Variants in SPTBN2 observed in about 807,000 individuals in gnomAD.
SPTBN2 encodes the protein spectrin beta, non-erythrocytic 2, also known as spectrin beta chain, non-erythrocytic 2.
SPTBN2 carries 107 observed loss-of-function variants against 284.2 expected under a neutral mutation model. The observed-to-expected ratio is 0.38, with a 90% CI of 0.32 to 0.44. The LOEUF is 0.44. SPTBN2 is among the 20% of genes least tolerant of loss of function. The pLI is 1.00. For synonymous variants in SPTBN2, 1,289 were observed against 1,354.8 expected (o/e 0.95, Z 1.07); for missense variants, 2,569 against 3,287.1 (o/e 0.78, Z 5.34).
chr11:66,696,871 A>G (rs188093443), intron 20 of SPTBN2, among the ~76,000 whole-genome samples: 18 of 152,228 alleles, frequency 1.2e-4, no homozygotes, highest in Admixed American at 9.2e-4. Context: ...ATTTGCCATC[A>G]TTTTGTATTT....
In SPTBN2 at chr11:66,692,548, G is replaced by A. The variant is rs777487329; in HGVS notation, c.5178C>T (p.Tyr1726=). 3.7e-5 allele frequency: 60 copies of A among 1,603,398 alleles called. No individual in the cohort carries two copies. Among genetic ancestry groups the A allele is most frequent in the South Asian group, 1.6e-4 (15 of 91,064 alleles). Residue 1726 remains tyrosine (Y), a synonymous_variant, in exon 26 of 38, where the codon TAC becomes TAT. Transcript: ENST00000533211. ...VAASHELGQD[Y]EHVTMLRDKF... is the part of the protein sequence containing the mutation. ...TCCCTACACTCACAGTCACATGCTCGTAGTCCTGGCCCAGCTCGTGGGAGG... is the reference window on the plus strand; with the variant it reads ...TCCCTACACTCACAGTCACATGCTCATAGTCCTGGCCCAGCTCGTGGGAGG...
chr11:66,696,676 G>C, intron 20 of SPTBN2, 136 bp from the exon 21 acceptor site: 1 of 1,210,266 alleles, frequency 8.3e-7, no homozygotes, highest in Non-Finnish European at 1.2e-6. Context: ...TGTTCTTATC[G>C]ACACACTCTT....
In SPTBN2 at chr11:66,683,225, G is replaced by A. The variant is rs913183273; in HGVS notation, c.*2646C>T. On this transcript the variant is annotated 3_prime_UTR_variant, in exon 38 of 38. Coordinates refer to ENST00000533211, the MANE Select transcript of SPTBN2 (RefSeq NM_006946.4). The stretch of plus-strand genomic sequence containing the variant: ...TGGGACTACAGGCGCCCGCCACTAC[G>A]CCCGGCTAATTTTTGTATTTTTAGT... Among the ~76,000 whole-genome samples the A allele has an allele frequency of 2.6e-4, 39 of 151,866 alleles. No individual in the cohort carries two copies. Among genetic ancestry groups the A allele is most frequent in the Admixed American group, 1.2e-3 (19 of 15,262 alleles).
chr11:66,703,491 G>A (rs1941354980), intron 15 of SPTBN2, among the ~76,000 whole-genome samples: 1 of 152,070 alleles, frequency 6.6e-6, no homozygotes, highest in Admixed American at 6.5e-5. Context: ...CCAGTACTTT[G>A]GGAGGCCAAG....
At chr11:66,733,318 G>T (rs1215056284), upstream of SPTBN2, among the ~76,000 whole-genome samples, 1 of 152,202 alleles carries the variant, frequency 6.6e-6, no homozygotes, top group Non-Finnish European at 1.5e-5. Context: ...TGTGGGTAGG[G>T]TGACAGAGAA....
chr11:66,716,803 A>G (rs1271716026), intron 3 of SPTBN2, among the ~76,000 whole-genome samples: 2 of 152,242 alleles, frequency 1.3e-5, no homozygotes, highest in East Asian at 1.9e-4. Flanking sequence ...GAAGGAGAGC[A>G]AGAGCTGCCC....
At position 66,693,798 on chromosome 11, in the gene SPTBN2, C is replaced by A. The variant is rs776851272; in HGVS notation, c.4567G>T (p.Val1523Phe). The part of the protein sequence containing the change: ...SMEHGKDLPS[V>F]QLLMKKNQTL... Reference sequence around the variant, plus strand: ...TGGTTTTTCTTCATGAGAAGCTGGACGCTGGGCAGGTCCTTGCCATGCTCC... The same window carrying A: ...TGGTTTTTCTTCATGAGAAGCTGGAAGCTGGGCAGGTCCTTGCCATGCTCC... Residue 1523 changes from valine (V) to phenylalanine (F), a missense_variant, in exon 23 of 38, where the codon GTC becomes TTC. By Grantham distance (50) the Val-to-Phe change is conservative (BLOSUM62 -1). Coordinates refer to ENST00000533211, the MANE Select transcript of SPTBN2 (RefSeq NM_006946.4). This position sits in a 1 kb window ranked among gnomAD's most constrained non-coding sequence, Gnocchi z 5.7. 2.5e-6 allele frequency: 4 copies of A among 1,613,622 alleles called. No homozygotes were observed. Among genetic ancestry groups the A allele is most frequent in the Non-Finnish European group, 2.5e-6 (3 of 1,179,878 alleles).
chr11:66,689,637 C>T (rs1182170630), intron 29 of SPTBN2, among the ~76,000 whole-genome samples, 168 bp downstream of exon 29: 6 of 152,182 alleles, frequency 3.9e-5, no homozygotes, highest in African/African-American at 2.4e-5. Context: ...AAGAGGCAGA[C>T]GGTTCTGGGG....
rs753896989 is a variant in SPTBN2, at chr11:66,685,993, G to A, written c.7051C>T (p.Arg2351Trp). 99 of 1,613,590 alleles carry A rather than the reference G, an allele frequency of 6.1e-5. No homozygotes were observed. The highest frequency in any genetic ancestry group is 7.1e-5 in the Non-Finnish European group (84 of 1,179,994). The stretch of plus-strand genomic sequence containing the variant: ...GACACTGGGGGCATGGTCATGGCCC[G>A]GGTCATGCCCCGGGTGGTGCTGGGC... Reference protein sequence around the residue: ...VVPSTTRGMTRAMTMPPVSPV... With the variant: ...VVPSTTRGMTWAMTMPPVSPV... Residue 2351 changes from arginine (R) to tryptophan (W), a missense_variant, in exon 38 of 38, where the codon CGG (arginine) becomes TGG (tryptophan). Arg to Trp is a moderately radical substitution (Grantham distance 101, BLOSUM62 -3). Coordinates refer to ENST00000533211, the MANE Select transcript of SPTBN2 (RefSeq NM_006946.4). This position sits in a 1 kb window ranked among gnomAD's most constrained non-coding sequence, Gnocchi z 4.4.
At chr11:66,713,816 C>A in intron 7 of SPTBN2, 70 bp from the exon 8 acceptor site, 2 of 1,314,104 alleles carry the variant, frequency 1.5e-6, no homozygotes, top group Non-Finnish European at 2.2e-6. Flanking sequence ...GAAACCCACA[C>A]CAATCTTTAT....
In SPTBN2 at chr11:66,707,951, C is replaced by T; in HGVS notation, c.1351-133G>A. On this transcript the variant is annotated intron_variant, in intron 12 of 37. Coordinates refer to ENST00000533211, the MANE Select transcript of SPTBN2 (RefSeq NM_006946.4). This position sits in a 1 kb window ranked among gnomAD's most constrained non-coding sequence, Gnocchi z 4.9. ...GGCTCTAAGTTCCCTCTCTATCCCACCCCCATCCTGTCTCACCAACCCTCT... is the reference window on the plus strand; with the variant it reads ...GGCTCTAAGTTCCCTCTCTATCCCATCCCCATCCTGTCTCACCAACCCTCT... The T allele has an allele frequency of 7.2e-7, 1 of 1,381,850 alleles. No homozygotes were observed. The highest frequency in any genetic ancestry group is 2.4e-5 in the East Asian group (1 of 41,616). The allele number at this position is 1,381,850 out of a possible 1,614,324, so 85.6% of individuals were successfully genotyped here.
intron 20 of SPTBN2, 48 bp downstream of exon 20, chr11:66,698,591 G>T: frequency 6.2e-7 from 1 of 1,612,842 alleles, no homozygotes; most frequent in Non-Finnish European, 8.5e-7. Flanking sequence ...GCCCTCCCCC[G>T]TACCATGGGG....
chr11:66,702,324 C>T (rs1410585529), intron 15 of SPTBN2, among the ~76,000 whole-genome samples: 1 of 152,176 alleles, frequency 6.6e-6, no homozygotes, highest in African/African-American at 2.4e-5. Flanking sequence ...CGCCACCAAG[C>T]CTAGCTAATT....
At chr11:66,692,480 T>C in intron 26 of SPTBN2, 56 bp downstream of exon 26, 2 of 1,590,620 alleles carry the variant, frequency 1.3e-6, no homozygotes, top group South Asian at 1.1e-5. Context: ...AGTCTCCCTG[T>C]GGGTCCTCCA....
intron 29 of SPTBN2, 117 bp from the exon 30 acceptor site, chr11:66,689,297 G>T: frequency 4.3e-6 from 5 of 1,153,022 alleles, no homozygotes; most frequent in Non-Finnish European, 6.1e-6. Flanking sequence ...TTTTTGAGAC[G>T]GAGTTTCGCT....
chr11:66,691,192 C>T lies in SPTBN2; in HGVS notation c.5565+92G>A. Reference sequence around the variant, plus strand: ...AAAGAGTGCCGTCCTCCCAGCATTTCTGAGCTCTACCCTAGCTCCTGGGAA... The same window carrying T: ...AAAGAGTGCCGTCCTCCCAGCATTTTTGAGCTCTACCCTAGCTCCTGGGAA... On this transcript the variant is annotated intron_variant, in intron 27 of 37. Transcript: ENST00000533211. The surrounding 1 kb of genome is among the most constrained non-coding windows in gnomAD (Gnocchi z 8.0). 1 of 1,456,518 alleles carries T rather than the reference C, an allele frequency of 6.9e-7. No homozygotes were observed. Among genetic ancestry groups the T allele is most frequent in the Non-Finnish European group, 9.1e-7 (1 of 1,098,900 alleles). The allele number at this position is 1,456,518 out of a possible 1,614,324, so 90.2% of individuals were successfully genotyped here. A position where few individuals can be genotyped will look rare whatever the true frequency, so the allele number is the denominator to read the frequency against.
rs190532690 is a variant in SPTBN2 at position 66,710,687 on chromosome 11, T to A, written c.968A>T (p.Gln323Leu). ...LASELLQWIEQTIVTLNDRQL... is the reference protein window; with the variant it reads ...LASELLQWIELTIVTLNDRQL... ...CCGGTCATTGAGGGTCACGATCGTTTGCTCGATCCACTGCAGCAGCTCCGA... is the reference window on the plus strand; with the variant it reads ...CCGGTCATTGAGGGTCACGATCGTTAGCTCGATCCACTGCAGCAGCTCCGA... Residue 323 changes from glutamine to leucine, a missense_variant, in exon 10 of 38, where the codon CAA (glutamine) becomes CTA (leucine). Physicochemically the swap from Gln to Leu is moderately radical, Grantham distance 113. Transcript: ENST00000533211. This position sits in a 1 kb window ranked among gnomAD's most constrained non-coding sequence, Gnocchi z 4.9. 4 of 1,614,068 alleles carry A rather than the reference T, an allele frequency of 2.5e-6. No individual in the cohort carries two copies. In the South Asian group the frequency reaches 4.4e-5, roughly 18 times the overall value.
In SPTBN2 at chr11:66,684,339, C is replaced by T. The variant is rs918720406; in HGVS notation, c.*1532G>A. On this transcript the variant is annotated 3_prime_UTR_variant, in exon 38 of 38. Transcript: ENST00000533211. ...GCTCCTTTCTAATACTTCATCAGATCCAGAAGGTAGTCTCAGCTGGGCATG... is the reference window on the plus strand; with the variant it reads ...GCTCCTTTCTAATACTTCATCAGATTCAGAAGGTAGTCTCAGCTGGGCATG... 3.3e-5 allele frequency among the ~76,000 whole-genome samples: 5 copies of T among 152,114 alleles called. No individual in the cohort carries two copies. The highest frequency in any genetic ancestry group is 1.2e-4 in the African/African-American group (5 of 41,408).
At chr11:66,720,543 G>A (rs1395609471) in intron 3 of SPTBN2, among the ~76,000 whole-genome samples, 1 of 152,196 alleles carries the variant, frequency 6.6e-6, no homozygotes, top group Non-Finnish European at 1.5e-5. Flanking sequence ...ACACCAGGGA[G>A]AATGGGCGGC....
Sources: gnomAD v4.1 joint callset for allele counts (sites outside exome capture counted in the v4.1 genomes callset) on GRCh38, gnomAD v4.1.1 for gene constraint, Gnocchi (gnomAD v3.1) non-coding constraint, MANE v1.5 for transcripts, NCBI Gene and HGNC (gene_info 2026-07-23, HGNC 2026-07-21) for gene names.